Variants in MAP3K12 observed in about 807,000 individuals in gnomAD.
MAP3K12 encodes mitogen-activated protein kinase kinase kinase 12.
MAP3K12 carries 14 observed loss-of-function variants against 87.5 expected under a neutral mutation model. The ratio of observed to expected loss-of-function variants is 0.16; its 90% CI spans 0.11 to 0.25. The LOEUF (loss-of-function observed/expected upper bound fraction) is 0.25. Among genes scored for constraint, MAP3K12 ranks in the 10% least tolerant of loss-of-function variants. The pLI is 1.00. For missense variants in MAP3K12, 802 were observed against 1,140.4 expected (o/e 0.70, Z 4.27); for synonymous variants, 469 against 452.5 (o/e 1.04, Z -0.46).
intron 1 of MAP3K12, chr12:53,493,956 C>G (rs1190643349): frequency 6.6e-6 from 1 of 152,328 alleles, no homozygotes. Context: ...GGAAAGATCT[C>G]AGGCTAGTTG....
In MAP3K12 at chr12:53,487,234, A is replaced by T; in HGVS notation, c.158T>A (p.Val53Glu). 6.2e-7 allele frequency: 1 copy of T among 1,613,286 alleles called. No homozygotes were observed. Among genetic ancestry groups the T allele is most frequent in the Non-Finnish European group, 8.5e-7 (1 of 1,179,754 alleles). ...TCCCCCACCCTGCCCACCAAGGGGT[A>T]CCACATCTCGAAGTACACACTGGGT... ...TPTQCVLRDV[V>E]PLGGQGGGGP... is the part of the protein sequence containing the mutation. Residue 53 changes from valine to glutamate, a missense_variant, in exon 2 of 14, where the codon GTA (valine) becomes GAA (glutamate). By Grantham distance (121) the Val-to-Glu change is moderately radical (BLOSUM62 -2). This residue lies in a region of MAP3K12 where 135 missense variants were observed against 151.6 expected (regional missense o/e 0.89). Transcript: ENST00000547488.
At chr12:53,494,826 G>A (rs561063780) in intron 1 of MAP3K12, among the ~76,000 whole-genome samples, 2 of 152,266 alleles carry the variant, frequency 1.3e-5, no homozygotes, top group South Asian at 4.1e-4. Context: ...GAAACCCTGA[G>A]AGGATAAAGG....
Position 53,486,042 on chromosome 12 carries a change from G to T in MAP3K12, c.821+14C>A. ...CCTGCATGCACATCTGTTGCTCCCT[G>T]CTTGCTTACTCACTTGGGTGACTTG... On this transcript the variant is annotated intron_variant, in intron 4 of 13. Coordinates refer to ENST00000547488, the MANE Select transcript of MAP3K12 (RefSeq NM_001193511.2). This position sits in a 1 kb window ranked among gnomAD's most constrained non-coding sequence, Gnocchi z 4.9. 1.3e-6 allele frequency: 2 copies of T among 1,590,612 alleles called. No homozygotes were observed. The highest frequency in any genetic ancestry group is 1.7e-6 in the Non-Finnish European group (2 of 1,166,872).
intron 1 of MAP3K12, among the ~76,000 whole-genome samples, chr12:53,494,172 G>C (rs1943489708): frequency 6.6e-6 from 1 of 152,222 alleles, no homozygotes; most frequent in South Asian, 2.1e-4. Flanking sequence ...AGGAGCCCCT[G>C]GCCCAGACGT....
At chr12:53,493,350 G>GC (rs764636470) in intron 1 of MAP3K12, among the ~76,000 whole-genome samples, 6 of 152,082 alleles carry the variant, frequency 3.9e-5, no homozygotes, top group Admixed American at 6.5e-5. Flanking sequence ...TCCTTCCCCT[G>GC]CCCCCGCATG....
chr12:53,481,830 T>A, intron 13 of MAP3K12, 111 bp downstream of exon 13: 1 of 1,344,768 alleles, frequency 7.4e-7, no homozygotes, highest in Non-Finnish European at 1.0e-6. Flanking sequence ...ATTTGCTCTT[T>A]ATGGTACTTT....
Position 53,486,001 on chromosome 12 carries a change from T to G in MAP3K12, c.821+55A>C. On this transcript the variant is annotated intron_variant, in intron 4 of 13. Transcript: ENST00000547488. The surrounding 1 kb of genome is among the most constrained non-coding windows in gnomAD (Gnocchi z 4.9). ...TTTGGAAGCCGGGAGAAGGCCACACTGACTTGAGTGGGTCACCTGCATGCA... is the reference window on the plus strand; with the variant it reads ...TTTGGAAGCCGGGAGAAGGCCACACGGACTTGAGTGGGTCACCTGCATGCA... The G allele has an allele frequency of 6.6e-7, 1 of 1,523,502 alleles. No homozygotes were observed. Among genetic ancestry groups the G allele is most frequent in the Non-Finnish European group, 8.9e-7 (1 of 1,123,342 alleles). The allele number at this position is 1,523,502 out of a possible 1,614,324, so 94.4% of individuals were successfully genotyped here. A position where few individuals can be genotyped will look rare whatever the true frequency, so the allele number is the denominator to read the frequency against.
At chr12:53,494,469 G>T (rs1943496139) in intron 1 of MAP3K12, among the ~76,000 whole-genome samples, 1 of 152,228 alleles carries the variant, frequency 6.6e-6, no homozygotes. Flanking sequence ...GTAGAGTGGG[G>T]TAGGAAGTCA....
chr12:53,483,597 G>C lies in MAP3K12; in HGVS notation c.1475+10C>G. The C allele has an allele frequency of 6.2e-7, 1 of 1,613,892 alleles. No individual in the cohort carries two copies. On this transcript the variant is annotated intron_variant, in intron 9 of 13. Transcript: ENST00000547488. ...TCCAGGGCTTGGTGCATAAGGACAG[G>C]TAGGGTTACCTGAGCAGCTCCCTCT... is the stretch of plus-strand genomic sequence containing the variant.
upstream of MAP3K12, chr12:53,501,234 C>T (rs1435973944): frequency 1.2e-5 from 8 of 681,282 alleles, no homozygotes; most frequent in Non-Finnish European, 1.7e-5. Flanking sequence ...GATAGCTCCC[C>T]TCCAGATGGA....
chr12:53,492,095 G>T (rs1592720205), intron 1 of MAP3K12, among the ~76,000 whole-genome samples: 1 of 150,012 alleles, frequency 6.7e-6, no homozygotes, highest in African/African-American at 2.4e-5. Context: ...AAAAAAAGAA[G>T]AAGAAGAAAA....
chr12:53,501,389 C>G (rs577179415), upstream of MAP3K12: 28 of 1,557,656 alleles, frequency 1.8e-5, no homozygotes, highest in East Asian at 6.5e-4. Flanking sequence ...ACGGTGGCGC[C>G]CGCGGGGACG....
At chr12:53,482,438 G>C (rs1565883190) in intron 11 of MAP3K12, 69 bp from the exon 12 acceptor site, 8 of 1,607,528 alleles carry the variant, frequency 5.0e-6, no homozygotes, top group Non-Finnish European at 6.8e-6. Context: ...TCCAGGAGAA[G>C]GGAACATAGT....
chr12:53,484,144 C>CT lies in MAP3K12; in HGVS notation c.1248+112dup, dbSNP rs1943159657. On this transcript the variant is annotated intron_variant, in intron 7 of 13. Coordinates refer to ENST00000547488, the MANE Select transcript of MAP3K12 (RefSeq NM_001193511.2). ...AAAAGGAGTGGATTGACTCAGCCCT[C>CT]TAAGAGCCAATCTCTTCAGTCCCAC... 4.4e-6 allele frequency: 6 copies of CT among 1,359,648 alleles called. No homozygotes were observed. The African/African-American group carries it at 7.1e-5, about 16-fold the overall frequency. The allele number at this position is 1,359,648 out of a possible 1,614,324, so 84.2% of individuals were successfully genotyped here. A position where few individuals can be genotyped will look rare whatever the true frequency, so the allele number is the denominator to read the frequency against.
chr12:53,491,301 A>AAAAAAAAAAAAAAAAAAAAAAAAAAG (rs796169121), intron 1 of MAP3K12, among the ~76,000 whole-genome samples: 5 of 101,568 alleles, frequency 4.9e-5, no homozygotes, highest in African/African-American at 7.5e-5. Context: ...AAAAAAAAAA[A>AAAAAAAAAAAAAAAAAAAAAAAAAAG]AAAAGAAAAG....
chr12:53,484,497 G>C, intron 6 of MAP3K12, 132 bp from the exon 7 acceptor site: 1 of 656,374 alleles, frequency 1.5e-6, no homozygotes, highest in South Asian at 1.8e-5. Flanking sequence ...AAGAACTTAT[G>C]GTCAACTGTC....
chr12:53,490,642 G>A (rs566339351), intron 1 of MAP3K12, among the ~76,000 whole-genome samples: 17 of 151,998 alleles, frequency 1.1e-4, no homozygotes, highest in African/African-American at 3.9e-4. Flanking sequence ...TACTCGGGAG[G>A]CTGAGGCAGA....
intron 1 of MAP3K12, among the ~76,000 whole-genome samples, chr12:53,494,240 G>T (rs773992611): frequency 2.0e-5 from 3 of 152,230 alleles, no homozygotes; most frequent in Non-Finnish European, 2.9e-5. Context: ...AGAGCATGGG[G>T]GAAGGGCAGC....
intron 1 of MAP3K12, among the ~76,000 whole-genome samples, chr12:53,495,154 A>C (rs891979080): frequency 2.6e-5 from 4 of 151,960 alleles, no homozygotes; most frequent in Non-Finnish European, 5.9e-5. Context: ...CCTGGCTACC[A>C]TGGGGAAACC....
Sources: gnomAD v4.1 joint callset for allele counts (sites outside exome capture counted in the v4.1 genomes callset) on GRCh38, gnomAD v4.1.1 for gene constraint, gnomAD v4.1.1 regional missense constraint, Gnocchi (gnomAD v3.1) non-coding constraint, MANE v1.5 for transcripts, NCBI Gene and HGNC (gene_info 2026-07-23, HGNC 2026-07-21) for gene names.